IL1RAPL1: variants seen among roughly 807,000 people sequenced by gnomAD.
IL1RAPL1 encodes the protein interleukin 1 receptor accessory protein like 1.
A neutral mutation model predicts 48.4 loss-of-function variants in IL1RAPL1; 3 were observed. The observed-to-expected ratio is 0.06, with a 90% CI of 0.03 to 0.16. The LOEUF is 0.16. Among genes scored for constraint, IL1RAPL1 ranks in the 10% least tolerant of loss-of-function variants. The probability of loss-of-function intolerance (pLI) is 1.00; values close to 1 mark genes in which losing one functional copy is unlikely to be tolerated. For synonymous variants in IL1RAPL1, 185 were observed against 187.7 expected (o/e 0.99, Z 0.12); for missense variants, 349 against 530.6 (o/e 0.66, Z 3.36).
chrX:29,592,023 A>G (rs989570088), intron 5 of IL1RAPL1, among the ~76,000 whole-genome samples: 2 of 111,629 alleles, frequency 1.8e-5, no homozygotes, highest in African/African-American at 6.5e-5. Context: ...GAACGGGTGA[A>G]AACCTAAAAT....
At chrX:28,825,400 G>A (rs1441223982) in intron 2 of IL1RAPL1, among the ~76,000 whole-genome samples, 1 of 111,053 alleles carries the variant, frequency 9.0e-6, no homozygotes, top group African/African-American at 3.3e-5. Context: ...TAGGGGCATC[G>A]TGATACTTGG....
chrX:29,481,148 A>G (rs1935038352), intron 5 of IL1RAPL1, among the ~76,000 whole-genome samples: 1 of 112,766 alleles, frequency 8.9e-6, no homozygotes, highest in Admixed American at 9.4e-5. Context: ...GCTAAAATGA[A>G]TACATCTTTA....
intron 6 of IL1RAPL1, among the ~76,000 whole-genome samples, chrX:29,707,451 ATAAG>A (rs750232140): frequency 1.2e-3 from 132 of 111,785 alleles, no homozygotes; most frequent in African/African-American, 4.0e-3. Flanking sequence ...CCAGAGGAAA[ATAAG>A]TAATTATATG....
intron 5 of IL1RAPL1, among the ~76,000 whole-genome samples, chrX:29,652,610 A>G (rs1046831365): frequency 8.9e-6 from 1 of 111,733 alleles, no homozygotes; most frequent in African/African-American, 3.2e-5. Context: ...TTCAATTCGG[A>G]TCACATTACT....
intron 2 of IL1RAPL1, among the ~76,000 whole-genome samples, chrX:29,240,632 C>T (rs1251537131): frequency 1.8e-5 from 2 of 111,428 alleles, no homozygotes; most frequent in African/African-American, 6.5e-5. Flanking sequence ...TAGGTTTTTA[C>T]CTGTAAAATG....
At chrX:28,910,747 G>A (rs1202480009) in intron 2 of IL1RAPL1, among the ~76,000 whole-genome samples, 2 of 108,239 alleles carry the variant, frequency 1.8e-5, no homozygotes, top group Non-Finnish European at 3.8e-5. Flanking sequence ...ACTGTCCAAT[G>A]GTTAATAGAT....
At chrX:29,838,654 C>G (rs1213198032) in intron 6 of IL1RAPL1, among the ~76,000 whole-genome samples, 3 of 111,863 alleles carry the variant, frequency 2.7e-5, no homozygotes, top group Non-Finnish European at 5.6e-5. Context: ...ATGAACATGG[C>G]CCTTGGACTC....
chrX:28,824,374 C>T (rs1356768388), intron 2 of IL1RAPL1, among the ~76,000 whole-genome samples: 1 of 111,325 alleles, frequency 9.0e-6, no homozygotes, highest in African/African-American at 3.3e-5. Context: ...AAACTCTAGT[C>T]AGAATTTCTT....
At chrX:29,898,020 A>T (rs1932419946) in intron 6 of IL1RAPL1, among the ~76,000 whole-genome samples, 1 of 111,917 alleles carries the variant, frequency 8.9e-6, no homozygotes, top group African/African-American at 3.2e-5. Flanking sequence ...ATGTTGGGAA[A>T]TAAAGACTCA....
chrX:29,752,080 GTATATATA>G (rs757287803), intron 6 of IL1RAPL1, among the ~76,000 whole-genome samples: 1 of 85,324 alleles, frequency 1.2e-5, no homozygotes, highest in African/African-American at 4.2e-5. Flanking sequence ...ATGTGTGTAT[GTATATATA>G]TATATATATA....
At chrX:29,674,500 C>T (rs1021370972) in intron 6 of IL1RAPL1, among the ~76,000 whole-genome samples, 1 of 111,712 alleles carries the variant, frequency 9.0e-6, no homozygotes, top group South Asian at 3.8e-4. Context: ...AAAAGATGGA[C>T]GTGAAGGTAA....
rs193014671 is a variant in IL1RAPL1, at chrX:29,848,344, A to G, written c.779-69120A>G. The stretch of plus-strand genomic sequence containing the variant: ...AATACATGCTACTGATTCTTCCCTA[A>G]TCTTACGTGGCTAAAGCTAATCTTT... On this transcript the variant is annotated intron_variant, in intron 6 of 10. Transcript: ENST00000378993. 4.5e-5 allele frequency among the ~76,000 whole-genome samples: 5 copies of G among 110,867 alleles called. No homozygotes were observed. In the East Asian group the frequency reaches 1.4e-3, roughly 31 times the overall value.
chrX:29,580,899 A>G (rs753461736), intron 5 of IL1RAPL1, among the ~76,000 whole-genome samples: 1 of 112,222 alleles, frequency 8.9e-6, no homozygotes, highest in South Asian at 3.7e-4. Flanking sequence ...TGTGAATGTG[A>G]GCTTTCCTCA....
At chrX:29,530,131 G>A (rs1455308641) in intron 5 of IL1RAPL1, among the ~76,000 whole-genome samples, 2 of 111,534 alleles carry the variant, frequency 1.8e-5, no homozygotes, top group Non-Finnish European at 3.8e-5. Context: ...GGTTTTTATT[G>A]TATTTTTGGT....
chrX:29,274,965 CTT>C (rs370707850), intron 2 of IL1RAPL1, among the ~76,000 whole-genome samples: 4 of 103,704 alleles, frequency 3.9e-5, no homozygotes, highest in African/African-American at 1.0e-4. Context: ...TTTGCTACTT[CTT>C]TTTTTTTTTT....
intron 7 of IL1RAPL1, among the ~76,000 whole-genome samples, chrX:29,918,144 A>AAAAAAAAAAATATAT (rs1555935868): frequency 4.2e-5 from 1 of 23,767 alleles, no homozygotes; most frequent in African/African-American, 2.4e-4. Flanking sequence ...AAAAAAAAAA[A>AAAAAAAAAAATATAT]ATATATATAT....
At chrX:29,903,365 G>GTAAT (rs1932537155) in intron 6 of IL1RAPL1, among the ~76,000 whole-genome samples, 1 of 111,345 alleles carries the variant, frequency 9.0e-6, no homozygotes, top group African/African-American at 3.3e-5. Context: ...TGACCGTAGA[G>GTAAT]TAATTTTAAT....
chrX:29,154,842 A>G (rs1929536415), intron 2 of IL1RAPL1, among the ~76,000 whole-genome samples: 1 of 111,554 alleles, frequency 9.0e-6, no homozygotes, highest in South Asian at 3.7e-4. Context: ...GGAATTATGA[A>G]AAGATATTTT....
chrX:29,792,726 G>A (rs1929664787), intron 6 of IL1RAPL1, among the ~76,000 whole-genome samples: 1 of 110,313 alleles, frequency 9.1e-6, no homozygotes, highest in South Asian at 3.9e-4. Context: ...TTTCTGGCTC[G>A]GCTCCTACTG....
Sources: gnomAD v4.1 joint callset for allele counts (sites outside exome capture counted in the v4.1 genomes callset) on GRCh38, gnomAD v4.1.1 for gene constraint, MANE v1.5 for transcripts, NCBI Gene and HGNC (gene_info 2026-07-23, HGNC 2026-07-21) for gene names.